CLEC17A: variants seen among roughly 807,000 people sequenced by gnomAD.
CLEC17A encodes C-type lectin domain containing 17A.
Under a neutral mutation model 61.3 loss-of-function variants are expected in CLEC17A, and 37 were observed. The ratio of observed to expected loss-of-function variants is 0.60; its 90% CI spans 0.46 to 0.79. The LOEUF is 0.79. Among genes scored for constraint, CLEC17A ranks in the 30% least tolerant of loss-of-function variants. The pLI, the probability that CLEC17A is intolerant of heterozygous loss-of-function variation, is 0.00. For missense variants in CLEC17A, 418 were observed against 464.7 expected, an observed-to-expected ratio of 0.90 and a Z score of 0.92; for synonymous variants, 168 against 164.9, an observed-to-expected ratio of 1.02 and a Z score of -0.14.
intron 8 of CLEC17A, 127 bp from the exon 9 acceptor site, chr19:14,596,749 C>A: frequency 8.8e-7 from 1 of 1,131,460 alleles, no homozygotes; most frequent in Non-Finnish European, 1.2e-6. Context: ...CTCTTGCTGA[C>A]TTCATCTGCT....
intron 8 of CLEC17A, 71 bp from the exon 9 acceptor site, chr19:14,596,805 G>C: frequency 6.5e-7 from 1 of 1,539,200 alleles, no homozygotes. Flanking sequence ...CTTGGACAAA[G>C]ACTTAAGAGT....
intron 12 of CLEC17A, among the ~76,000 whole-genome samples, chr19:14,606,231 A>T (rs922382019): frequency 1.3e-5 from 2 of 152,086 alleles, no homozygotes; most frequent in Admixed American, 6.6e-5. Context: ...ACCTACTAAG[A>T]CGTCCACAGT....
chr19:14,601,524 A>T (rs2074716711), intron 12 of CLEC17A, among the ~76,000 whole-genome samples: 1 of 152,184 alleles, frequency 6.6e-6, no homozygotes, highest in African/African-American at 2.4e-5. Flanking sequence ...ACTTGCCTGG[A>T]GTCACTTACA....
At chr19:14,603,401 T>G (rs1213918319) in intron 12 of CLEC17A, among the ~76,000 whole-genome samples, 1 of 152,206 alleles carries the variant, frequency 6.6e-6, no homozygotes, top group Non-Finnish European at 1.5e-5. Context: ...GGCATAATGA[T>G]AATACTTGCT....
intron 10 of CLEC17A, 89 bp downstream of exon 10, chr19:14,597,250 A>G (rs994587284): frequency 1.7e-6 from 2 of 1,203,560 alleles, no homozygotes; most frequent in Non-Finnish European, 2.4e-6. Context: ...CCTCATCCCC[A>G]TCTTTGCTGG....
intron 10 of CLEC17A, 110 bp from the exon 11 acceptor site, chr19:14,599,607 C>G (rs779527055): frequency 2.6e-6 from 2 of 782,034 alleles, no homozygotes; most frequent in Admixed American, 2.0e-5. Context: ...GGAATGTGGA[C>G]ACAGTGGGGA....
At chr19:14,593,957 G>A (rs1044702850) in intron 4 of CLEC17A, among the ~76,000 whole-genome samples, 6 of 145,674 alleles carry the variant, frequency 4.1e-5, no homozygotes, top group African/African-American at 1.6e-4. Flanking sequence ...GAGAGACTCT[G>A]TCTCATAAAA....
At chr19:14,606,673 C>T (rs1326725542) in intron 12 of CLEC17A, among the ~76,000 whole-genome samples, 1 of 149,052 alleles carries the variant, frequency 6.7e-6, no homozygotes, top group East Asian at 2.0e-4. Context: ...GAGCGAGACT[C>T]CCTCTCAAAA....
chr19:14,583,033 G>A, upstream of CLEC17A: 2 of 939,624 alleles, frequency 2.1e-6, no homozygotes, highest in Non-Finnish European at 3.3e-6. Context: ...CTGTCAAAAT[G>A]AATTTGCATG....
intron 12 of CLEC17A, among the ~76,000 whole-genome samples, chr19:14,602,351 G>A (rs1198473532): frequency 6.6e-6 from 1 of 151,308 alleles, no homozygotes; most frequent in Non-Finnish European, 1.5e-5. Context: ...GTGCAGTGGC[G>A]CAGCCTCAGC....
intron 4 of CLEC17A, 88 bp downstream of exon 4, chr19:14,592,446 C>G: frequency 6.3e-7 from 1 of 1,576,082 alleles, no homozygotes; most frequent in African/African-American, 1.3e-5. Flanking sequence ...GACACACAGT[C>G]AGTCTCCTCT....
intron 2 of CLEC17A, among the ~76,000 whole-genome samples, chr19:14,583,762 A>G (rs1453487090): frequency 6.6e-6 from 1 of 152,052 alleles, no homozygotes; most frequent in African/African-American, 2.4e-5. Flanking sequence ...CCAGGAGAGA[A>G]CAGTTAGGTG....
chr19:14,591,898 A>ATGTGTGTG (rs747656450), intron 3 of CLEC17A, among the ~76,000 whole-genome samples: 2,040 of 138,990 alleles, frequency 0.015, 41 homozygotes, highest in African/African-American at 0.049. Flanking sequence ...CCGGAGAAAA[A>ATGTGTGTG]TGTGTGTGTG....
intron 10 of CLEC17A, 130 bp from the exon 11 acceptor site, chr19:14,599,587 G>C: frequency 1.4e-6 from 1 of 735,796 alleles, no homozygotes; most frequent in East Asian, 2.7e-5. Context: ...GAGCGCAAGC[G>C]TGACCCACTG....
intron 12 of CLEC17A, among the ~76,000 whole-genome samples, chr19:14,605,384 C>G (rs2074835115): frequency 6.6e-6 from 1 of 152,118 alleles, no homozygotes; most frequent in South Asian, 2.1e-4. Flanking sequence ...GCATGAGCCA[C>G]CGCGCCCGGC....
rs778151518 is a variant in CLEC17A, at chr19:14,583,204, G to A, written c.43+1G>A. The A allele has an allele frequency of 3.1e-6, 5 of 1,613,794 alleles. No individual in the cohort carries two copies. The highest frequency in any genetic ancestry group is 4.2e-6 in the Non-Finnish European group (5 of 1,179,888). On this transcript the variant is annotated splice_donor_variant, in intron 1 of 13. Transcript: ENST00000417570. LOFTEE classifies it high-confidence loss of function. Reference sequence around the variant, plus strand: ...ATCACTGGGTACCCGGACCCACCAGGTAAGGCCCCGGCCAGGCTGGGGCTG... The same window carrying A: ...ATCACTGGGTACCCGGACCCACCAGATAAGGCCCCGGCCAGGCTGGGGCTG...
rs772476572 is a variant in CLEC17A, at chr19:14,600,156, G to A, written c.868G>A (p.Val290Ile). 3.1e-6 allele frequency: 5 copies of A among 1,613,992 alleles called. No individual in the cohort carries two copies. The East Asian group carries it at 8.9e-5, about 29-fold the overall frequency. Reference protein sequence around the residue: ...MFCQENYSHLVIINSFAEHNF... With the variant: ...MFCQENYSHLIIINSFAEHNF... ...CTGCCAGGAGAATTACTCTCACTTG[G>A]TCATCATCAATAGCTTTGCTGAGCA... Residue 290 changes from valine to isoleucine, a missense_variant, in exon 12 of 14, where the codon GTC (valine) becomes ATC (isoleucine). By Grantham distance (29) the Val-to-Ile change is conservative (BLOSUM62 3). Transcript: ENST00000417570.
chr19:14,592,827 G>A (rs1568450640), intron 4 of CLEC17A, among the ~76,000 whole-genome samples: 1 of 152,062 alleles, frequency 6.6e-6, no homozygotes, highest in Non-Finnish European at 1.5e-5. Context: ...ACCATGCCTG[G>A]TTAACTTTTG....
intron 11 of CLEC17A, 103 bp downstream of exon 11, chr19:14,599,915 T>C: frequency 6.7e-7 from 1 of 1,498,020 alleles, no homozygotes; most frequent in Non-Finnish European, 9.1e-7. Flanking sequence ...ATGTGAATGG[T>C]GCCCCTCCCC....
Sources: gnomAD v4.1 joint callset for allele counts (sites outside exome capture counted in the v4.1 genomes callset) on GRCh38, gnomAD v4.1.1 for gene constraint, MANE v1.5 for transcripts, NCBI Gene and HGNC (gene_info 2026-07-23, HGNC 2026-07-21) for gene names.